BCR: variants seen among roughly 807,000 people sequenced by gnomAD.
BCR encodes the protein BCR activator of RhoGEF and GTPase.
Under a neutral mutation model 138.6 loss-of-function variants are expected in BCR, and 58 were observed. That is an observed-to-expected ratio of 0.42 (90% CI 0.34 to 0.52). The LOEUF (loss-of-function observed/expected upper bound fraction) is 0.52. Among genes scored for constraint, BCR ranks in the 20% least tolerant of loss-of-function variants. The probability of loss-of-function intolerance (pLI) is 0.06; values close to 1 mark genes in which losing one functional copy is unlikely to be tolerated. For synonymous variants in BCR, 786 were observed against 730.1 expected, an observed-to-expected ratio of 1.08 and a Z score of -1.23; for missense variants, 1,599 against 1,727.2, an observed-to-expected ratio of 0.93 and a Z score of 1.32.
chr22:23,257,713 C>T (rs191965306), intron 2 of BCR, among the ~76,000 whole-genome samples: 1 of 152,196 alleles, frequency 6.6e-6, no homozygotes, highest in Non-Finnish European at 1.5e-5. Flanking sequence ...GTCGCCCCAC[C>T]CTACGTGTAT....
At chr22:23,268,184 G>A (rs559352147) in intron 4 of BCR, among the ~76,000 whole-genome samples, 13 of 152,348 alleles carry the variant, frequency 8.5e-5, no homozygotes, top group African/African-American at 2.9e-4. Flanking sequence ...GCCTGGCGCC[G>A]TGAGTCACTT....
intron 1 of BCR, among the ~76,000 whole-genome samples, chr22:23,194,817 C>G (rs368995647): frequency 6.6e-6 from 1 of 151,132 alleles, no homozygotes; most frequent in African/African-American, 2.4e-5. Context: ...GGCATGTGCC[C>G]GTAATCTCAG....
At chr22:23,283,894 G>A (rs8139664) in intron 8 of BCR, 83 bp from the exon 9 acceptor site, 327,660 of 1,451,904 alleles carry the variant, frequency 0.23, 39,167 homozygotes, top group Middle Eastern at 0.32. Flanking sequence ...GGGTCAACCT[G>A]CTCCTGCTGG....
chr22:23,182,266 G>T, intron 1 of BCR, 27 bp downstream of exon 1: 1 of 1,511,812 alleles, frequency 6.6e-7, no homozygotes, highest in South Asian at 1.2e-5. Flanking sequence ...ACGTGCGTGG[G>T]CACACCTGCA....
chr22:23,221,955 G>A (rs966914827), intron 1 of BCR, among the ~76,000 whole-genome samples: 5 of 151,606 alleles, frequency 3.3e-5, no homozygotes, highest in Non-Finnish European at 7.3e-5. Flanking sequence ...GCTGGGCGTG[G>A]TGGCAGGCGC....
chr22:23,202,389 T>C (rs1354912378), intron 1 of BCR, among the ~76,000 whole-genome samples: 1 of 152,234 alleles, frequency 6.6e-6, no homozygotes, highest in African/African-American at 2.4e-5. Flanking sequence ...TTACCATTTT[T>C]AGCCGCACAG....
chr22:23,250,024 C>T (rs2073205986), intron 1 of BCR, among the ~76,000 whole-genome samples: 1 of 152,266 alleles, frequency 6.6e-6, no homozygotes, highest in Non-Finnish European at 1.5e-5. Flanking sequence ...GATGTGTCCA[C>T]TTCAAAGTCT....
chr22:23,287,423 TTGTC>T, intron 11 of BCR, 145 bp downstream of exon 11: 1 of 1,331,140 alleles, frequency 7.5e-7, no homozygotes, highest in Non-Finnish European at 9.9e-7. Flanking sequence ...GCACATTCCT[TTGTC>T]TGGGGCTTTG....
At chr22:23,310,928 C>T (rs2146328203) in intron 18 of BCR, among the ~76,000 whole-genome samples, 1 of 151,032 alleles carries the variant, frequency 6.6e-6, no homozygotes, top group Middle Eastern at 3.4e-3. Context: ...TGTCTAAACA[C>T]CACGCCCCAC....
chr22:23,203,704 T>TA, intron 1 of BCR, among the ~76,000 whole-genome samples: 1 of 152,346 alleles, frequency 6.6e-6, no homozygotes, highest in African/African-American at 2.4e-5. Context: ...GGAAAGAACT[T>TA]ACTGTCCCCT....
intron 1 of BCR, among the ~76,000 whole-genome samples, chr22:23,220,941 G>A (rs1401598148): frequency 2.0e-5 from 3 of 152,148 alleles, no homozygotes; most frequent in East Asian, 1.9e-4. Flanking sequence ...TTGCTCTCAC[G>A]TCGTTGCCTC....
chr22:23,277,841 G>A (rs1474134302), intron 8 of BCR, among the ~76,000 whole-genome samples: 1 of 152,186 alleles, frequency 6.6e-6, no homozygotes, highest in Non-Finnish European at 1.5e-5. Context: ...GTGACTTTGG[G>A]CTGCATTCCA....
intron 15 of BCR, 48 bp downstream of exon 15, chr22:23,292,686 G>A (rs1260081021): frequency 2.7e-6 from 4 of 1,505,808 alleles, no homozygotes; most frequent in South Asian, 1.1e-5. Context: ...TGGGGCACAG[G>A]ATATTTTCCA....
chr22:23,226,489 G>C (rs542301986), intron 1 of BCR, among the ~76,000 whole-genome samples: 2 of 152,316 alleles, frequency 1.3e-5, no homozygotes, highest in African/African-American at 4.8e-5. Context: ...AGGTTCCTAA[G>C]CTTCATGGTG....
At chr22:23,284,973 G>A (rs899255412) in intron 9 of BCR, 60 bp from the exon 10 acceptor site, 1 of 1,559,496 alleles carries the variant, frequency 6.4e-7, no homozygotes, top group Non-Finnish European at 8.8e-7. Context: ...CTTGACAGCA[G>A]TGACATCAGC....
intron 5 of BCR, 56 bp from the exon 6 acceptor site, chr22:23,271,476 T>C: frequency 6.4e-7 from 1 of 1,558,774 alleles, no homozygotes; most frequent in Non-Finnish European, 8.8e-7. Flanking sequence ...GGGAACTGTC[T>C]GCATCATCAA....
At chr22:23,315,006 A>G (rs1365604538) in intron 22 of BCR, among the ~76,000 whole-genome samples, 2 of 152,210 alleles carry the variant, frequency 1.3e-5, no homozygotes, top group East Asian at 1.9e-4. Context: ...AGGATAACCA[A>G]TCCCAGGTGT....
chr22:23,192,765 G>T (rs542834608), intron 1 of BCR, among the ~76,000 whole-genome samples: 8 of 152,322 alleles, frequency 5.3e-5, no homozygotes, highest in Non-Finnish European at 1.2e-4. Flanking sequence ...TGTGAATGCT[G>T]ACCTGCTGCT....
intron 2 of BCR, among the ~76,000 whole-genome samples, chr22:23,257,340 T>C (rs758124159): frequency 6.6e-6 from 1 of 152,228 alleles, no homozygotes; most frequent in Non-Finnish European, 1.5e-5. Context: ...CTGCCTGTGC[T>C]GTTTTTCCTC....
Sources: allele counts gnomAD v4.1 joint callset (sites outside exome capture counted in the v4.1 genomes callset), GRCh38; gene constraint gnomAD v4.1.1; transcripts MANE v1.5; gene names NCBI Gene and HGNC (gene_info 2026-07-23, HGNC 2026-07-21).